VWA8: variants seen among roughly 807,000 people sequenced by gnomAD.
VWA8 encodes von Willebrand factor A domain-containing protein 8.
VWA8 carries 221 observed loss-of-function variants against 241.5 expected under a neutral mutation model. The observed-to-expected ratio is 0.91, with a 90% CI of 0.82 to 1.02. The LOEUF is 1.02. VWA8 is among the 50% of genes least tolerant of loss of function. The pLI is 0.00. For missense variants in VWA8, 2,322 were observed against 2,328.7 expected, an observed-to-expected ratio of 1.00 and a Z score of 0.06; for synonymous variants, 852 against 827.1, an observed-to-expected ratio of 1.03 and a Z score of -0.52.
intron 35 of VWA8, among the ~76,000 whole-genome samples, chr13:41,676,958 A>G (rs1485125604): frequency 1.3e-5 from 2 of 151,984 alleles, no homozygotes; most frequent in African/African-American, 4.8e-5. Flanking sequence ...ATGTTTCTCA[A>G]AAAAAAATCT....
At chr13:41,801,757 C>A (rs534192065) in intron 17 of VWA8, among the ~76,000 whole-genome samples, 91 of 152,240 alleles carry the variant, frequency 6.0e-4, no homozygotes, top group African/African-American at 2.0e-3. Flanking sequence ...ATGAAAAGTT[C>A]CAATGCAAAT....
At chr13:41,603,933 CAG>C (rs2044537801) in intron 40 of VWA8, among the ~76,000 whole-genome samples, 1 of 152,150 alleles carries the variant, frequency 6.6e-6, no homozygotes, top group African/African-American at 2.4e-5. Flanking sequence ...CTACAGAACT[CAG>C]GAAATTTAGT....
intron 20 of VWA8, among the ~76,000 whole-genome samples, chr13:41,765,155 G>A (rs979509551): frequency 4.6e-5 from 7 of 151,942 alleles, no homozygotes; most frequent in African/African-American, 1.5e-4. Context: ...AGAAACAGGG[G>A]AGGAGAACTG....
intron 2 of VWA8, among the ~76,000 whole-genome samples, chr13:41,932,109 CAG>C (rs1877152071): frequency 6.6e-6 from 1 of 151,738 alleles, no homozygotes; most frequent in East Asian, 1.9e-4. Flanking sequence ...TCATGAATGA[CAG>C]AGAGACAGAC....
intron 25 of VWA8, 95 bp downstream of exon 25, chr13:41,721,275 T>C: frequency 1.6e-6 from 2 of 1,241,822 alleles, no homozygotes; most frequent in South Asian, 2.8e-5. Context: ...CATTATTGTA[T>C]TTATGGAAAT....
At chr13:41,644,308 T>C (rs1383211884) in intron 37 of VWA8, among the ~76,000 whole-genome samples, 1 of 152,148 alleles carries the variant, frequency 6.6e-6, no homozygotes, top group East Asian at 1.9e-4. Context: ...GAGAGGTAGT[T>C]TGCCTTGCCC....
intron 2 of VWA8, among the ~76,000 whole-genome samples, chr13:41,916,589 A>G (rs888344774): frequency 1.3e-5 from 2 of 152,216 alleles, no homozygotes; most frequent in Admixed American, 6.5e-5. Context: ...TCACTTATTC[A>G]TGTTTTAGTA....
At chr13:41,902,037 A>G (rs926505687) in intron 4 of VWA8, among the ~76,000 whole-genome samples, 2 of 151,218 alleles carry the variant, frequency 1.3e-5, no homozygotes, top group Non-Finnish European at 2.9e-5. Flanking sequence ...AAACAGAGAG[A>G]GATCTTCCCC....
intron 9 of VWA8, among the ~76,000 whole-genome samples, chr13:41,873,041 T>A (rs1873713651): frequency 6.6e-6 from 1 of 152,172 alleles, no homozygotes; most frequent in Non-Finnish European, 1.5e-5. Context: ...TAAGGTGGAT[T>A]CCTAGGTATT....
chr13:41,842,165 A>G (rs1437091955), intron 12 of VWA8, among the ~76,000 whole-genome samples: 1 of 152,136 alleles, frequency 6.6e-6, no homozygotes, highest in Non-Finnish European at 1.5e-5. Flanking sequence ...GTATAAACAT[A>G]CAATGTTAAT....
At chr13:41,812,051 T>C (rs948102636) in intron 16 of VWA8, among the ~76,000 whole-genome samples, 2 of 152,164 alleles carry the variant, frequency 1.3e-5, no homozygotes, top group Admixed American at 6.6e-5. Context: ...TGTGTTACCT[T>C]GGCAAATTAC....
intron 40 of VWA8, among the ~76,000 whole-genome samples, chr13:41,591,908 C>T (rs1181764979): frequency 7.3e-6 from 1 of 137,920 alleles, no homozygotes. Flanking sequence ...GTCAGTGTGG[C>T]GATTCCTCAG....
chr13:41,747,506 A>C (rs549757017), intron 21 of VWA8, among the ~76,000 whole-genome samples: 12 of 152,260 alleles, frequency 7.9e-5, no homozygotes, highest in Admixed American at 3.9e-4. Flanking sequence ...GGGCTGAGAC[A>C]ATGGGGTTTT....
At chr13:41,789,766 C>T (rs1389360424) in intron 17 of VWA8, among the ~76,000 whole-genome samples, 2 of 152,062 alleles carry the variant, frequency 1.3e-5, no homozygotes, top group African/African-American at 4.8e-5. Context: ...CTGAGGGGTT[C>T]TGTGGATACT....
Position 41,727,174 on chromosome 13 carries a change from A to C in VWA8, c.2758+20T>G, listed in dbSNP as rs1356160629. The stretch of plus-strand genomic sequence containing the variant: ...TATTATTACTGCTATTGGTATTGTT[A>C]TTATCATTACTGTTTTTACCTAAGG... On this transcript the variant is annotated intron_variant, in intron 24 of 44. Coordinates refer to ENST00000379310, the MANE Select transcript of VWA8 (RefSeq NM_015058.2). 6.6e-7 allele frequency: 1 copy of C among 1,521,218 alleles called. No homozygotes were observed. The highest frequency in any genetic ancestry group is 2.5e-5 in the East Asian group (1 of 40,390). 94.2% of individuals were successfully genotyped at this position (1,521,218 alleles called of 1,614,324 possible). A position where few individuals can be genotyped will look rare whatever the true frequency, so the allele number is the denominator to read the frequency against.
chr13:41,705,234 A>T (rs1321448436), intron 26 of VWA8, among the ~76,000 whole-genome samples: 2 of 149,648 alleles, frequency 1.3e-5, no homozygotes, highest in Admixed American at 6.7e-5. Flanking sequence ...CTGTACAATT[A>T]TCTCAATCGG....
chr13:41,769,118 G>A (rs2045800373), intron 20 of VWA8, among the ~76,000 whole-genome samples: 1 of 152,134 alleles, frequency 6.6e-6, no homozygotes, highest in Non-Finnish European at 1.5e-5. Context: ...TATTGCCCAG[G>A]CTGGTCTGCA....
At chr13:41,831,954 C>T (rs183698516) in intron 13 of VWA8, among the ~76,000 whole-genome samples, 73 of 144,354 alleles carry the variant, frequency 5.1e-4, no homozygotes, top group African/African-American at 1.7e-3. Context: ...TTTTTTGAGA[C>T]AGAGTCTCGC....
chr13:41,605,077 A>T, intron 40 of VWA8, 91 bp downstream of exon 40: 2 of 1,261,942 alleles, frequency 1.6e-6, no homozygotes, highest in Non-Finnish European at 2.3e-6. Flanking sequence ...CGGACTGGCT[A>T]ATTAGGGTTC....
Sources: allele counts gnomAD v4.1 joint callset (sites outside exome capture counted in the v4.1 genomes callset), GRCh38; gene constraint gnomAD v4.1.1; transcripts MANE v1.5; gene names NCBI Gene and HGNC (gene_info 2026-07-23, HGNC 2026-07-21).